MSRA: variants seen among roughly 807,000 people sequenced by gnomAD.
MSRA encodes methionine sulfoxide reductase A, also known as mitochondrial peptide methionine sulfoxide reductase.
Under a neutral mutation model 31.3 loss-of-function variants are expected in MSRA, and 54 were observed. The ratio of observed to expected loss-of-function variants is 1.73; its 90% CI spans 1.39 to 2.17. The LOEUF (loss-of-function observed/expected upper bound fraction) is 2.17, where lower values mean the gene tolerates loss of function less well. Among genes scored for constraint, MSRA ranks in the 30% most tolerant of loss-of-function variants. The probability of loss-of-function intolerance (pLI) is 0.00; values close to 1 mark genes in which losing one functional copy is unlikely to be tolerated. For synonymous variants in MSRA, 169 were observed against 116.5 expected, an observed-to-expected ratio of 1.45 and a Z score of -2.90; for missense variants, 507 against 300.9, an observed-to-expected ratio of 1.69 and a Z score of -5.07.
intron 4 of MSRA, among the ~76,000 whole-genome samples, chr8:10,307,681 G>C (rs906665996): frequency 4.6e-5 from 7 of 152,174 alleles, no homozygotes; most frequent in African/African-American, 1.7e-4. Context: ...TGCACAGTTG[G>C]ATGCGTGGAG....
chr8:10,080,436 C>A (rs928418013), intron 1 of MSRA, among the ~76,000 whole-genome samples: 1 of 151,876 alleles, frequency 6.6e-6, no homozygotes, highest in Admixed American at 6.6e-5. Context: ...GTGGTTTCCT[C>A]CAGGAGCCGA....
chr8:10,297,690 G>A (rs1200873094), intron 3 of MSRA, among the ~76,000 whole-genome samples: 1 of 152,182 alleles, frequency 6.6e-6, no homozygotes, highest in Non-Finnish European at 1.5e-5. Context: ...TTTGGCAAGG[G>A]CATCACTGTG....
chr8:10,168,120 T>G (rs942221647), intron 1 of MSRA, among the ~76,000 whole-genome samples: 1 of 152,182 alleles, frequency 6.6e-6, no homozygotes, highest in African/African-American at 2.4e-5. Flanking sequence ...GTGCCTTAGT[T>G]TTCCTATCTG....
At chr8:10,247,187 T>C (rs1585265844) in intron 3 of MSRA, among the ~76,000 whole-genome samples, 1 of 152,372 alleles carries the variant, frequency 6.6e-6, no homozygotes, top group Middle Eastern at 3.4e-3. Flanking sequence ...AAGCACTTTT[T>C]CTGTCTTTGC....
intron 1 of MSRA, among the ~76,000 whole-genome samples, chr8:10,168,752 C>G (rs1364652794): frequency 6.6e-6 from 1 of 152,200 alleles, no homozygotes; most frequent in African/African-American, 2.4e-5. Flanking sequence ...ACAGCCCAGC[C>G]TCCCATCCTT....
intron 1 of MSRA, among the ~76,000 whole-genome samples, chr8:10,098,533 G>A (rs974002864): frequency 6.6e-6 from 1 of 152,068 alleles, no homozygotes; most frequent in Non-Finnish European, 1.5e-5. Context: ...TGGGTAACGG[G>A]GATGGAAGAG....
Position 10,251,817 on chromosome 8 carries a change from C to G in MSRA, c.331+6594C>G, listed in dbSNP as rs924052939. Among the ~76,000 whole-genome samples the G allele has an allele frequency of 5.3e-5, 8 of 150,684 alleles. 2 individuals carry two copies. On this transcript the variant is annotated intron_variant, in intron 3 of 5. Coordinates refer to ENST00000317173, the MANE Select transcript of MSRA (RefSeq NM_012331.5). ...AACCTCAATCACCAGAAATAGCAAGCTTGGCTTCTCTACCATCGGCACCCC... is the reference window on the plus strand; with the variant it reads ...AACCTCAATCACCAGAAATAGCAAGGTTGGCTTCTCTACCATCGGCACCCC...
chr8:10,229,688 C>A (rs1310489358), intron 2 of MSRA, among the ~76,000 whole-genome samples: 2 of 152,070 alleles, frequency 1.3e-5, no homozygotes, highest in Non-Finnish European at 2.9e-5. Flanking sequence ...ATTCTCTTTA[C>A]TCCTAGTTTA....
At chr8:10,334,895 GC>G (rs1802931150) in intron 5 of MSRA, among the ~76,000 whole-genome samples, 1 of 152,214 alleles carries the variant, frequency 6.6e-6, no homozygotes. Flanking sequence ...CGCTGCCTCG[GC>G]CCACGTGATG....
chr8:10,131,669 C>CA (rs531586584), intron 1 of MSRA, among the ~76,000 whole-genome samples: 47 of 152,282 alleles, frequency 3.1e-4, no homozygotes, highest in South Asian at 2.1e-3. Flanking sequence ...GGAAGCTCTC[C>CA]ATACCCTGTG....
intron 5 of MSRA, among the ~76,000 whole-genome samples, chr8:10,404,405 C>T (rs528173543): frequency 6.6e-6 from 1 of 152,224 alleles, no homozygotes; most frequent in African/African-American, 2.4e-5. Context: ...CCCGTCACCA[C>T]CCCCCAACCC....
At chr8:10,356,335 G>A (rs981321601) in intron 5 of MSRA, among the ~76,000 whole-genome samples, 3 of 152,194 alleles carry the variant, frequency 2.0e-5, no homozygotes, top group African/African-American at 7.2e-5. Flanking sequence ...GCAAATGTGT[G>A]GCTTTGTGAT....
At chr8:10,333,249 T>C (rs755890729) in intron 5 of MSRA, among the ~76,000 whole-genome samples, 4 of 152,232 alleles carry the variant, frequency 2.6e-5, no homozygotes, top group Non-Finnish European at 4.4e-5. Flanking sequence ...CCATATGTGA[T>C]GTCCAGACCC....
At chr8:10,118,726 A>T (rs1800875941) in intron 1 of MSRA, among the ~76,000 whole-genome samples, 1 of 152,120 alleles carries the variant, frequency 6.6e-6, no homozygotes, top group African/African-American at 2.4e-5. Context: ...CTCATCTTCA[A>T]CAGCTGGTGG....
chr8:10,073,973 G>A (rs1277514142), intron 1 of MSRA, among the ~76,000 whole-genome samples: 1 of 148,114 alleles, frequency 6.8e-6, no homozygotes, highest in Non-Finnish European at 1.5e-5. Flanking sequence ...ATCTCTAAGG[G>A]ATCTAGGGGA....
At chr8:10,360,930 C>G (rs1342085082) in intron 5 of MSRA, among the ~76,000 whole-genome samples, 1 of 152,180 alleles carries the variant, frequency 6.6e-6, no homozygotes, top group Non-Finnish European at 1.5e-5. Context: ...GCCTGTGACT[C>G]CCAGTACCTT....
At chr8:10,376,413 A>T (rs1243339155) in intron 5 of MSRA, among the ~76,000 whole-genome samples, 1 of 152,238 alleles carries the variant, frequency 6.6e-6, no homozygotes, top group Non-Finnish European at 1.5e-5. Context: ...GCAGGACAGC[A>T]GCATCTTAAG....
chr8:10,098,575 A>G (rs533720715), intron 1 of MSRA, among the ~76,000 whole-genome samples: 14 of 152,226 alleles, frequency 9.2e-5, no homozygotes, highest in Non-Finnish European at 1.9e-4. Flanking sequence ...TTAAACGCCT[A>G]GATAGAAAAA....
intron 1 of MSRA, among the ~76,000 whole-genome samples, chr8:10,117,140 C>T (rs879248136): frequency 6.6e-6 from 1 of 152,150 alleles, no homozygotes; most frequent in Admixed American, 6.5e-5. Context: ...TAGGAGTCCT[C>T]TCCTAAAACA....
Sources: gnomAD v4.1 joint callset for allele counts (sites outside exome capture counted in the v4.1 genomes callset) on GRCh38, gnomAD v4.1.1 for gene constraint, MANE v1.5 for transcripts, NCBI Gene and HGNC (gene_info 2026-07-23, HGNC 2026-07-21) for gene names.